The following CYLD variants were observed in gnomAD, a reference collection of about 807,000 sequenced individuals.
The protein encoded by CYLD is ubiquitin carboxyl-terminal hydrolase CYLD.
A neutral mutation model predicts 104.5 loss-of-function variants in CYLD; 26 were observed. The ratio of observed to expected loss-of-function variants is 0.25; its 90% CI spans 0.18 to 0.35. The LOEUF is 0.35. CYLD is among the 10% of genes least tolerant of loss of function. The probability of loss-of-function intolerance (pLI) is 1.00; values close to 1 mark genes in which losing one functional copy is unlikely to be tolerated. For missense variants in CYLD, 703 were observed against 1,136.1 expected (o/e 0.62, Z 5.48); for synonymous variants, 385 against 399.9 (o/e 0.96, Z 0.45).
rs2151041723 is a variant in CYLD, at chr16:50,794,876, C to T, written c.2686+448C>T. ...CCTCAAGTGATTAACCCTCCTTTTC[C>T]TCTCGATGTGCTGGGATTACAAGAG... On this transcript the variant is annotated intron_variant, in intron 18 of 18. Transcript: ENST00000427738. The surrounding 1 kb of genome is among the most constrained non-coding windows in gnomAD (Gnocchi z 4.1). The T allele has an allele frequency of 4.2e-6, 1 of 236,276 alleles. No individual in the cohort carries two copies. The highest frequency in any genetic ancestry group is 8.4e-6 in the Non-Finnish European group (1 of 118,670). 14.6% of individuals were successfully genotyped at this position (236,276 alleles called of 1,614,324 possible).
chr16:50,777,076 A>G (rs962335303), intron 7 of CYLD, among the ~76,000 whole-genome samples: 8 of 152,194 alleles, frequency 5.3e-5, no homozygotes, highest in Non-Finnish European at 1.0e-4. Flanking sequence ...GATTTTCTTA[A>G]GCTATGGCAT....
In CYLD at chr16:50,796,509, CTG is replaced by C. The variant is rs1305743685; in HGVS notation, c.*2_*3del. The C allele has an allele frequency of 6.2e-7, 1 of 1,612,528 alleles. No homozygotes were observed. Among genetic ancestry groups the C allele is most frequent in the African/African-American group, 1.3e-5 (1 of 74,872 alleles). On this transcript the variant is annotated 3_prime_UTR_variant, in exon 19 of 19. Transcript: ENST00000427738. ...TCCAACAATGAGTTTGTACAAATAA[CTG>C]GGGTCATCGGGAAAGGCAAAGAAAC...
At position 50,794,418 on chromosome 16, in the gene CYLD, C is replaced by A; in HGVS notation, c.2676C>A (p.Ala892=). The stretch of plus-strand genomic sequence containing the variant: ...CCTGGCTCTTCTTTGACAGCATGGC[C>A]GATCGGGATGGTACTGAAAACGCCT... The part of the protein sequence containing the change: ...DSAWLFFDSM[A]DRDGGQNGFN... The change falls in exon 18 of 19, where the codon GCC becomes GCA. Residue 892 remains alanine (A), a synonymous_variant. Coordinates refer to ENST00000427738, the MANE Select transcript of CYLD (RefSeq NM_001378743.1). This position sits in a 1 kb window ranked among gnomAD's most constrained non-coding sequence, Gnocchi z 4.1. 1 of 1,614,046 alleles carries A rather than the reference C, an allele frequency of 6.2e-7. No homozygotes were observed.
intron 15 of CYLD, 56 bp from the exon 16 acceptor site, chr16:50,792,541 A>G: frequency 7.7e-7 from 1 of 1,296,230 alleles, no homozygotes; most frequent in Non-Finnish European, 1.1e-6. Flanking sequence ...TTGGTTTCAT[A>G]GGGAAAAGTG....
chr16:50,795,527 T>C (rs1971942409), intron 18 of CYLD: 2 of 702,696 alleles, frequency 2.8e-6, no homozygotes, highest in African/African-American at 1.7e-5. Flanking sequence ...CCTCCATTCT[T>C]ATACCCTATT....
At chr16:50,780,205 C>T (rs1333936983) in intron 9 of CYLD, among the ~76,000 whole-genome samples, 161 bp downstream of exon 9, 2 of 152,190 alleles carry the variant, frequency 1.3e-5, no homozygotes, top group African/African-American at 4.8e-5. Context: ...TTTGCCGCCC[C>T]TGAAGCTTGC....
chr16:50,760,309 A>G (rs1331820171), intron 5 of CYLD, among the ~76,000 whole-genome samples: 1 of 152,218 alleles, frequency 6.6e-6, no homozygotes, highest in Non-Finnish European at 1.5e-5. Flanking sequence ...AGAAACCTCT[A>G]TCAAGTTATT....
chr16:50,779,776 A>G lies in CYLD; in HGVS notation c.1250A>G (p.His417Arg). Residue 417 changes from histidine to arginine, a missense_variant, in exon 9 of 19, where the codon CAC becomes CGC. His to Arg is a conservative substitution (Grantham distance 29). This residue lies in a region of CYLD where 183 missense variants were observed against 212.1 expected (regional missense o/e 0.86). Coordinates refer to ENST00000427738, the MANE Select transcript of CYLD (RefSeq NM_001378743.1). ...VNSLTTENRF[H>R]SLPFSLTKMP... is the part of the protein sequence containing the mutation. ...TCACTGACCACCGAGAACAGATTCC[A>G]CTCTTTACCATTCAGTCTCACCAAG... 1 of 1,613,594 alleles carries G rather than the reference A, an allele frequency of 6.2e-7. No individual in the cohort carries two copies. The highest frequency in any genetic ancestry group is 1.1e-5 in the South Asian group (1 of 91,048).
At chr16:50,767,372 G>A (rs1968629735) in intron 5 of CYLD, among the ~76,000 whole-genome samples, 1 of 152,058 alleles carries the variant, frequency 6.6e-6, no homozygotes, top group African/African-American at 2.4e-5. Flanking sequence ...ACACTTGTGT[G>A]ACTTGCTTTA....
chr16:50,744,212 A>G (rs1423455158), intron 2 of CYLD, among the ~76,000 whole-genome samples: 1 of 151,654 alleles, frequency 6.6e-6, no homozygotes, highest in African/African-American at 2.4e-5. Context: ...TTTTAACCTT[A>G]TAAATCCCAC....
chr16:50,756,808 C>A (rs905754886), intron 5 of CYLD, among the ~76,000 whole-genome samples: 5 of 152,144 alleles, frequency 3.3e-5, no homozygotes, highest in Admixed American at 2.0e-4. Flanking sequence ...ATCCCCATTT[C>A]GCTGATAAAA....
intron 2 of CYLD, among the ~76,000 whole-genome samples, chr16:50,745,339 T>G (rs1966086214): frequency 6.6e-6 from 1 of 150,656 alleles, no homozygotes; most frequent in East Asian, 1.9e-4. Flanking sequence ...TTTTTTTTTG[T>G]GTGTGTTCTC....
rs1385990622 is a variant in CYLD at position 50,777,930 on chromosome 16, A to T, written c.1127A>T (p.Tyr376Phe). 6.6e-7 allele frequency: 1 copy of T among 1,525,868 alleles called. No homozygotes were observed. The highest frequency in any genetic ancestry group is 1.7e-5 in the Admixed American group (1 of 59,830). 94.5% of individuals were successfully genotyped at this position (1,525,868 alleles called of 1,614,324 possible). A position where few individuals can be genotyped will look rare whatever the true frequency, so the allele number is the denominator to read the frequency against. Residue 376 changes from tyrosine (Y) to phenylalanine (F), a missense_variant, in exon 8 of 19, where the codon TAC becomes TTC. Tyr to Phe is a conservative substitution (Grantham distance 22). This residue lies in a region of CYLD where 183 missense variants were observed against 212.1 expected (regional missense o/e 0.86). Transcript: ENST00000427738. ...QPQSKSKNTW[Y>F]IDEVAEDPAK... ...CAATCCAAATCAAAAAATACATGGT[A>T]CATTGATGAAGGTAATCAGTAATTT... is the stretch of plus-strand genomic sequence containing the variant.
At chr16:50,788,887 A>C (rs1971124121) in intron 14 of CYLD, among the ~76,000 whole-genome samples, 1 of 152,178 alleles carries the variant, frequency 6.6e-6, no homozygotes. Context: ...TTTTTTTAAA[A>C]GACTTATACA....
chr16:50,791,567 T>C lies in CYLD; in HGVS notation c.2118T>C (p.Gly706=), dbSNP rs1219129856. The C allele has an allele frequency of 1.2e-6, 2 of 1,613,838 alleles. No individual in the cohort carries two copies. The highest frequency in any genetic ancestry group is 2.2e-5 in the East Asian group (1 of 44,810). The change falls in exon 15 of 19, where the codon GGT becomes GGC. Residue 706 remains glycine (G), a synonymous_variant. Coordinates refer to ENST00000427738, the MANE Select transcript of CYLD (RefSeq NM_001378743.1). ...CTCTGCGTGTTTTTAGATCAGCAGG[T>C]CAAAAGGTACAAGATTGTTACTTCT... ...VEPLLKIRSA[G]QKVQDCYFYQ... is the part of the protein sequence containing the mutation.
At chr16:50,743,731 A>G (rs141834140) in intron 2 of CYLD, among the ~76,000 whole-genome samples, 49 of 152,226 alleles carry the variant, frequency 3.2e-4, no homozygotes, top group African/African-American at 1.2e-3. Flanking sequence ...TAAGCATCAT[A>G]CATGCTAGTT....
At chr16:50,764,995 A>G (rs1403555223) in intron 5 of CYLD, among the ~76,000 whole-genome samples, 2 of 152,200 alleles carry the variant, frequency 1.3e-5, no homozygotes, top group Non-Finnish European at 2.9e-5. Context: ...TTCATTATTT[A>G]TGTATTCTTG....
rs202154956 is a variant in CYLD at position 50,754,420 on chromosome 16, C to A, written c.909C>A (p.Ile303=). Reference sequence around the variant, plus strand: ...TTCTATTGCACATCAATGATATCATCCCAGGTATGTTTTCTTTGTTTTATA... The same window carrying A: ...TTCTATTGCACATCAATGATATCATACCAGGTATGTTTTCTTTGTTTTATA... The part of the protein sequence containing the change: ...STILLHINDI[I]PALSESVTQE... Residue 303 remains isoleucine, a synonymous_variant, in exon 5 of 19, where the codon ATC becomes ATA. Coordinates refer to ENST00000427738, the MANE Select transcript of CYLD (RefSeq NM_001378743.1). The A allele has an allele frequency of 1.9e-5, 31 of 1,596,672 alleles. No individual in the cohort carries two copies. The highest frequency in any genetic ancestry group is 2.7e-5 in the African/African-American group (2 of 74,494).
At chr16:50,781,021 CAAG>C (rs1970171210) in intron 9 of CYLD, among the ~76,000 whole-genome samples, 1 of 152,102 alleles carries the variant, frequency 6.6e-6, no homozygotes, top group Admixed American at 6.5e-5. Flanking sequence ...AAAGGAAATA[CAAG>C]AAGGACTTCA....
Sources: gnomAD v4.1 joint callset for allele counts (sites outside exome capture counted in the v4.1 genomes callset) on GRCh38, gnomAD v4.1.1 for gene constraint, gnomAD v4.1.1 regional missense constraint, Gnocchi (gnomAD v3.1) non-coding constraint, MANE v1.5 for transcripts, NCBI Gene and HGNC (gene_info 2026-07-23, HGNC 2026-07-21) for gene names.